HLF: variants seen among roughly 807,000 people sequenced by gnomAD.
HLF encodes the protein HLF transcription factor, PAR bZIP family member.
In HLF, 3 loss-of-function variants were observed where a neutral mutation model predicts 22.6. That is an observed-to-expected ratio of 0.13 (90% CI 0.06 to 0.34). The LOEUF is 0.34. Among genes scored for constraint, HLF ranks in the 10% least tolerant of loss-of-function variants. HLF has a pLI of 1.00. For missense variants in HLF, 299 were observed against 389.2 expected (o/e 0.77, Z 1.95); for synonymous variants, 151 against 151.8 (o/e 0.99, Z 0.04).
chr17:55,306,781 T>C (rs979995549), intron 2 of HLF, among the ~76,000 whole-genome samples: 2 of 152,180 alleles, frequency 1.3e-5, no homozygotes, highest in African/African-American at 4.8e-5. Flanking sequence ...TTGATGCCTT[T>C]CTTTCCTTCC....
rs144685509 is a variant in HLF, at chr17:55,313,884, T to C, written c.452-1343T>C. On this transcript the variant is annotated intron_variant, in intron 2 of 3. Coordinates refer to ENST00000226067, the MANE Select transcript of HLF (RefSeq NM_002126.5). Reference sequence around the variant, plus strand: ...AGAAGGTCACCCAGAGCATTCATTTTGCAAACTCCCCACCAGGCCTTTCCA... The same window carrying C: ...AGAAGGTCACCCAGAGCATTCATTTCGCAAACTCCCCACCAGGCCTTTCCA... Among the ~76,000 whole-genome samples the C allele has an allele frequency of 2.5e-3, 378 of 152,268 alleles. 3 individuals are homozygous for C. Among genetic ancestry groups the C allele is most frequent in the Middle Eastern group, 0.02 (6 of 294 alleles).
intron 2 of HLF, among the ~76,000 whole-genome samples, chr17:55,314,020 C>G (rs1904962167): frequency 6.6e-6 from 1 of 152,154 alleles, no homozygotes; most frequent in African/African-American, 2.4e-5. Flanking sequence ...ACACATTGAC[C>G]TACCATTGGC....
chr17:55,312,649 T>C (rs1904883978), intron 2 of HLF, among the ~76,000 whole-genome samples: 1 of 152,214 alleles, frequency 6.6e-6, no homozygotes, highest in South Asian at 2.1e-4. Context: ...AACCAAGATA[T>C]AAGAGGTTCA....
chr17:55,297,693 A>C, intron 2 of HLF, among the ~76,000 whole-genome samples: 1 of 137,612 alleles, frequency 7.3e-6, no homozygotes, highest in Admixed American at 7.6e-5. Flanking sequence ...CACCCCTTAC[A>C]CTCCCACCAA....
chr17:55,320,923 GT>G lies in HLF; in HGVS notation c.*47del. 1 of 1,501,598 alleles carries G rather than the reference GT, an allele frequency of 6.7e-7. No individual in the cohort carries two copies. The allele number at this position is 1,501,598 out of a possible 1,614,324, so 93.0% of individuals were successfully genotyped here. ...TGGCTTTGGAATAGATGGACAGTTT[GT>G]TTCCTGTCTGATAGCACCACACGCA... On this transcript the variant is annotated 3_prime_UTR_variant, in exon 4 of 4. Coordinates refer to ENST00000226067, the MANE Select transcript of HLF (RefSeq NM_002126.5). The surrounding 1 kb of genome is among the most constrained non-coding windows in gnomAD (Gnocchi z 4.2).
At chr17:55,303,174 G>A (rs1454115203) in intron 2 of HLF, among the ~76,000 whole-genome samples, 3 of 152,200 alleles carry the variant, frequency 2.0e-5, no homozygotes, top group Admixed American at 6.5e-5. Flanking sequence ...TGGACTGGAG[G>A]CTCCTCCAGC....
intron 2 of HLF, 46 bp downstream of exon 2, chr17:55,268,132 G>A (rs757464335): frequency 3.0e-6 from 4 of 1,348,300 alleles, no homozygotes; most frequent in Non-Finnish European, 4.1e-6. Context: ...GGAGGAGGGT[G>A]AATGGGACAG....
chr17:55,265,963 T>C, intron 1 of HLF: 2 of 611,296 alleles, frequency 3.3e-6, no homozygotes, highest in Non-Finnish European at 4.2e-6. Context: ...CCTCCCGGGC[T>C]GGGGAGGAGA....
chr17:55,297,498 A>T (rs1204907577), intron 2 of HLF, among the ~76,000 whole-genome samples: 2 of 152,116 alleles, frequency 1.3e-5, no homozygotes, highest in Non-Finnish European at 2.9e-5. Context: ...TTCTTCAGAA[A>T]ACCTGTTCTA....
chr17:55,268,125 G>A (rs1415870326), intron 2 of HLF, 39 bp downstream of exon 2: 4 of 1,419,272 alleles, frequency 2.8e-6, no homozygotes, highest in Non-Finnish European at 3.8e-6. Flanking sequence ...AAAGGGAGGA[G>A]GAGGGTGAAT....
chr17:55,290,430 A>C (rs2081050564), intron 2 of HLF, among the ~76,000 whole-genome samples: 1 of 152,064 alleles, frequency 6.6e-6, no homozygotes, highest in Admixed American at 6.6e-5. Flanking sequence ...CAATATTTCA[A>C]GTTTTTCATT....
intron 1 of HLF, 65 bp downstream of exon 1, chr17:55,265,664 G>A: frequency 7.9e-7 from 1 of 1,262,682 alleles, no homozygotes; most frequent in Non-Finnish European, 1.1e-6. Context: ...TCCGCGGCCG[G>A]GCACGCCCGC....
At chr17:55,318,843 C>T (rs970235196) in intron 3 of HLF, 14 of 152,620 alleles carry the variant, frequency 9.2e-5, no homozygotes, top group African/African-American at 3.1e-4. Context: ...CTGTTGTTAA[C>T]TGGAGGCTTC....
intron 2 of HLF, among the ~76,000 whole-genome samples, chr17:55,310,052 A>G (rs991923063): frequency 6.6e-6 from 1 of 152,200 alleles, no homozygotes; most frequent in East Asian, 1.9e-4. Context: ...CAGTTATACT[A>G]TTTGGAGGTT....
intron 2 of HLF, among the ~76,000 whole-genome samples, chr17:55,279,747 G>T (rs894011872): frequency 6.6e-6 from 1 of 152,070 alleles, no homozygotes; most frequent in Non-Finnish European, 1.5e-5. Context: ...AATAGCAAAA[G>T]AATTTTTTTC....
chr17:55,317,104 A>G (rs1198224399), intron 3 of HLF, among the ~76,000 whole-genome samples: 1 of 151,714 alleles, frequency 6.6e-6, no homozygotes, highest in African/African-American at 2.4e-5. Flanking sequence ...AGTAACTGAG[A>G]CTACAGGCGC....
chr17:55,292,008 A>G (rs921194883), intron 2 of HLF, among the ~76,000 whole-genome samples: 5 of 152,218 alleles, frequency 3.3e-5, no homozygotes, highest in African/African-American at 1.2e-4. Context: ...CTGCAATCTC[A>G]TGATAAAACT....
At chr17:55,316,713 G>A (rs1038507776) in intron 3 of HLF, among the ~76,000 whole-genome samples, 3 of 152,220 alleles carry the variant, frequency 2.0e-5, no homozygotes, top group Admixed American at 1.3e-4. Flanking sequence ...GGTCACAGCA[G>A]CATGTTGGCC....
chr17:55,319,884 G>A (rs917764940), intron 3 of HLF, among the ~76,000 whole-genome samples: 12 of 152,054 alleles, frequency 7.9e-5, no homozygotes, highest in Middle Eastern at 6.8e-3. Flanking sequence ...ATCTTTTTGC[G>A]CCTCTTTCTA....
Sources: allele counts gnomAD v4.1 joint callset (sites outside exome capture counted in the v4.1 genomes callset), GRCh38; gene constraint gnomAD v4.1.1; non-coding constraint Gnocchi (gnomAD v3.1); transcripts MANE v1.5; gene names NCBI Gene and HGNC (gene_info 2026-07-23, HGNC 2026-07-21).